Variants in TENM1 observed in about 807,000 individuals in gnomAD.
TENM1 encodes the protein teneurin-1.
TENM1 carries 35 observed loss-of-function variants against 174.8 expected under a neutral mutation model. That is an observed-to-expected ratio of 0.20 (90% CI 0.15 to 0.27). The LOEUF is 0.27. TENM1 is among the 10% of genes least tolerant of loss of function. The pLI, the probability that TENM1 is intolerant of heterozygous loss-of-function variation, is 1.00. For synonymous variants in TENM1, 781 were observed against 798.7 expected, an observed-to-expected ratio of 0.98 and a Z score of 0.37; for missense variants, 1,633 against 2,130.1, an observed-to-expected ratio of 0.77 and a Z score of 4.59.
chrX:124,778,927 C>T (rs978649859), intron 3 of TENM1, among the ~76,000 whole-genome samples: 1 of 111,843 alleles, frequency 8.9e-6, no homozygotes, highest in Non-Finnish European at 1.9e-5. Context: ...TTTAACCAAA[C>T]AATTCATCTT....
chrX:125,126,228 T>C, the TENM1 span, among the ~76,000 whole-genome samples: 4 of 111,809 alleles, frequency 3.6e-5, no homozygotes, highest in Non-Finnish European at 5.6e-5. Flanking sequence ...TGAATCTGTC[T>C]TCTGGAACAT....
chrX:125,008,259 C>CA, the TENM1 span, among the ~76,000 whole-genome samples: 1 of 86,051 alleles, frequency 1.2e-5, no homozygotes, highest in Non-Finnish European at 2.1e-5. Context: ...AAATGTTAAA[C>CA]GAAAAAAAAA....
intron 1 of TENM1, among the ~76,000 whole-genome samples, chrX:124,948,875 A>G (rs2058441054): frequency 8.9e-6 from 1 of 112,233 alleles, no homozygotes. Context: ...TTTGAACTGA[A>G]AACAATTCTC....
At chrX:124,400,067 TCTC>T (rs1299476973) in intron 27 of TENM1, among the ~76,000 whole-genome samples, 1 of 111,600 alleles carries the variant, frequency 9.0e-6, no homozygotes, top group Admixed American at 9.5e-5. Flanking sequence ...ATATAGGAAA[TCTC>T]CTGTCTCCAG....
chrX:124,553,500 CAAAA>C (rs1345991005), intron 14 of TENM1, among the ~76,000 whole-genome samples: 4 of 79,602 alleles, frequency 5.0e-5, no homozygotes, highest in African/African-American at 1.8e-4. Flanking sequence ...AACTCCATCT[CAAAA>C]AAAAAAAAAA....
At chrX:125,130,328 A>T in the TENM1 span, among the ~76,000 whole-genome samples, 1 of 111,254 alleles carries the variant, frequency 9.0e-6, no homozygotes, top group African/African-American at 3.3e-5. Flanking sequence ...TTTTTCTAAA[A>T]TATTATACTA....
At chrX:125,143,420 TTTC>T in the TENM1 span, among the ~76,000 whole-genome samples, 1 of 111,819 alleles carries the variant, frequency 8.9e-6, no homozygotes, top group South Asian at 3.7e-4. Flanking sequence ...AAATGAAAAC[TTTC>T]TTGAGTAAAG....
At chrX:124,885,515 T>C (rs1296454046) in intron 3 of TENM1, among the ~76,000 whole-genome samples, 1 of 111,052 alleles carries the variant, frequency 9.0e-6, no homozygotes, top group Non-Finnish European at 1.9e-5. Context: ...TAACATTTAA[T>C]TAAGACTTAG....
exon 32 of TENM1, chrX:124,377,502 G>A (rs891751181): frequency 1.8e-5 from 2 of 111,657 alleles, no homozygotes; most frequent in East Asian, 2.8e-4. Context: ...AATCAATAAC[G>A]ATTAGAATGA....
intron 11 of TENM1, among the ~76,000 whole-genome samples, chrX:124,588,760 C>A (rs2049633337): frequency 8.9e-6 from 1 of 111,811 alleles, no homozygotes; most frequent in Non-Finnish European, 1.9e-5. Context: ...TATCCTGAAA[C>A]TTTACTGAAG....
chrX:124,905,543 G>A (rs770103034), intron 1 of TENM1, among the ~76,000 whole-genome samples: 14 of 111,514 alleles, frequency 1.3e-4, no homozygotes, highest in Non-Finnish European at 2.4e-4. Context: ...CAGTTTTCAG[G>A]CATTGGACAA....
the TENM1 span, among the ~76,000 whole-genome samples, chrX:125,145,304 C>A: frequency 9.0e-6 from 1 of 111,582 alleles, no homozygotes. Context: ...TACCATAGTT[C>A]TCAATTGCTA....
chrX:125,031,684 C>T, the TENM1 span, among the ~76,000 whole-genome samples: 1 of 111,767 alleles, frequency 8.9e-6, no homozygotes, highest in East Asian at 2.8e-4. Context: ...AGGTTGTTTT[C>T]AGAAACGAGA....
At chrX:125,012,097 C>T in the TENM1 span, among the ~76,000 whole-genome samples, 4,854 of 111,456 alleles carry the variant, frequency 0.044, 243 homozygotes, top group African/African-American at 0.15. Flanking sequence ...GAAAACGAAA[C>T]ACCACATGTT....
intron 1 of TENM1, among the ~76,000 whole-genome samples, chrX:124,948,217 G>A (rs769149750): frequency 5.4e-4 from 61 of 111,931 alleles, no homozygotes; most frequent in African/African-American, 2.0e-3. Context: ...ATGAGTTTGT[G>A]GCATGAAGGC....
intron 1 of TENM1, among the ~76,000 whole-genome samples, chrX:124,962,439 G>A (rs1302299589): frequency 8.9e-6 from 1 of 111,973 alleles, no homozygotes; most frequent in African/African-American, 3.2e-5. Flanking sequence ...AGGTTTTGCT[G>A]TTGTTGCTAG....
At chrX:124,977,359 T>C in the TENM1 span, among the ~76,000 whole-genome samples, 1 of 111,854 alleles carries the variant, frequency 8.9e-6, no homozygotes. Context: ...ATGCCAGATG[T>C]TGTGGGCCAT....
At chrX:124,807,838 C>T (rs1191101953) in intron 3 of TENM1, among the ~76,000 whole-genome samples, 1 of 105,495 alleles carries the variant, frequency 9.5e-6, no homozygotes, top group Non-Finnish European at 1.9e-5. Context: ...CAAAAAAATA[C>T]AAAGTAAGGA....
rs2060965359 is a variant in TENM1 at position 124,446,345 on chromosome X, A to G, written c.4104+6992T>C. On this transcript the variant is annotated intron_variant, in intron 23 of 31. Coordinates refer to ENST00000422452, the Ensembl canonical transcript of TENM1. ...TCCTCTGGCAGATGGGGATAATAAT[A>G]TCTACCTCTCAAGGGTGGTTGCATT... Among the ~76,000 whole-genome samples the G allele has an allele frequency of 2.7e-5, 3 of 112,723 alleles. No homozygotes were observed. In the South Asian group the frequency reaches 1.1e-3, roughly 41 times the overall value.
Sources: gnomAD v4.1 joint callset for allele counts (sites outside exome capture counted in the v4.1 genomes callset) on GRCh38, gnomAD v4.1.1 for gene constraint, MANE v1.5 for transcripts, NCBI Gene and HGNC (gene_info 2026-07-23, HGNC 2026-07-21) for gene names.